PRPF3: variants seen among roughly 807,000 people sequenced by gnomAD.
The protein encoded by PRPF3 is pre-mRNA processing factor 3.
PRPF3 carries 3 observed loss-of-function variants against 89.2 expected under a neutral mutation model. The ratio of observed to expected loss-of-function variants is 0.03; its 90% confidence interval spans 0.02 to 0.09. The LOEUF is 0.09. Among genes scored for constraint, PRPF3 ranks in the 10% least tolerant of loss-of-function variants. The pLI is 1.00. For missense variants in PRPF3, 463 were observed against 828.8 expected, an observed-to-expected ratio of 0.56 and a Z score of 5.42; for synonymous variants, 270 against 289.1, an observed-to-expected ratio of 0.93 and a Z score of 0.67.
rs1656584131 is a variant in PRPF3, at chr1:150,332,968, C to T, written c.508-11C>T. ...CTTAATTCCTCTGATTTCTTTTTCT[C>T]TATCTCACAGCCAAAGACTCCTTCT... On this transcript the variant is annotated splice_polypyrimidine_tract_variant and intron_variant, in intron 5 of 15. Coordinates refer to ENST00000324862, the MANE Select transcript of PRPF3 (RefSeq NM_004698.4). 1 of 1,607,708 alleles carries T rather than the reference C, an allele frequency of 6.2e-7. No homozygotes were observed. Among genetic ancestry groups the T allele is most frequent in the Non-Finnish European group, 8.5e-7 (1 of 1,174,550 alleles).
chr1:150,338,446 A>G (rs1657285201), intron 8 of PRPF3, 120 bp downstream of exon 8: 3 of 1,029,580 alleles, frequency 2.9e-6, no homozygotes, highest in Non-Finnish European at 4.4e-6. Flanking sequence ...TCATTCATTA[A>G]TTAAAATTTT....
At chr1:150,348,984 C>T (rs1658613945) in intron 14 of PRPF3, 173 bp from the exon 15 acceptor site, 1 of 659,086 alleles carries the variant, frequency 1.5e-6, no homozygotes, top group Admixed American at 2.4e-5. Context: ...ATATTACTGC[C>T]TACTTGGAGC....
chr1:150,331,993 G>A (rs1656455969), intron 4 of PRPF3, among the ~76,000 whole-genome samples: 2 of 152,070 alleles, frequency 1.3e-5, no homozygotes, highest in Admixed American at 1.3e-4. Context: ...GAGAGGCCGA[G>A]GTGGGCGGAT....
chr1:150,332,605 C>T (rs782067852), intron 4 of PRPF3, 79 bp from the exon 5 acceptor site: 6 of 1,347,168 alleles, frequency 4.5e-6, no homozygotes, highest in Admixed American at 3.4e-5. Flanking sequence ...GACCTGAGAG[C>T]CTTGTGGGTT....
chr1:150,340,360 C>T, intron 8 of PRPF3, 38 bp from the exon 9 acceptor site: 1 of 1,399,626 alleles, frequency 7.1e-7, no homozygotes, highest in Non-Finnish European at 1.0e-6. Flanking sequence ...ATCATCTCTA[C>T]CCGCATATCG....
rs587601390 is a variant in PRPF3, at chr1:150,336,636, A to G, written c.1035+1395A>G. Among the ~76,000 whole-genome samples, 5 of 152,084 alleles carry G rather than the reference A, an allele frequency of 3.3e-5. No individual in the cohort carries two copies. The East Asian group carries it at 5.8e-4, about 18-fold the overall frequency. ...CCGAGCGTGGTGGTGGGTGCCTGTAATCCTAGCTACTTGGGAGGCTGAGTC... is the reference window on the plus strand; with the variant it reads ...CCGAGCGTGGTGGTGGGTGCCTGTAGTCCTAGCTACTTGGGAGGCTGAGTC... On this transcript the variant is annotated intron_variant, in intron 7 of 15. Coordinates refer to ENST00000324862, the MANE Select transcript of PRPF3 (RefSeq NM_004698.4).
chr1:150,324,177 A>G (rs1655436867), intron 1 of PRPF3, among the ~76,000 whole-genome samples: 1 of 152,148 alleles, frequency 6.6e-6, no homozygotes, highest in Admixed American at 6.6e-5. Flanking sequence ...AGGGAATCCT[A>G]CATAAGTCAG....
intron 7 of PRPF3, among the ~76,000 whole-genome samples, chr1:150,337,020 G>C (rs1215307033): frequency 1.3e-5 from 2 of 148,404 alleles, no homozygotes; most frequent in African/African-American, 4.9e-5. Flanking sequence ...TCCTCTCAAA[G>C]TGAGGTTTTC....
At chr1:150,321,647 CG>C (rs1223166677) in intron 1 of PRPF3, 55 bp downstream of exon 1, 1 of 151,984 alleles carries the variant, frequency 6.6e-6, no homozygotes, top group Non-Finnish European at 1.5e-5. Flanking sequence ...CCACTGTGGC[CG>C]GGGACTCAGT....
Position 150,334,954 on chromosome 1 carries a change from C to G in PRPF3, c.748C>G (p.Gln250Glu). ...IAPPKVELKD[Q>E]TKPTPLILDE... is the part of the protein sequence containing the mutation. The stretch of plus-strand genomic sequence containing the variant: ...TTTCAGGAAGGTGGAGTTAAAAGAC[C>G]AAACGAAACCTACACCACTGATCCT... Residue 250 changes from glutamine (Q) to glutamate (E), a missense_variant, in exon 7 of 16, where the codon CAA (glutamine) becomes GAA (glutamate). Physicochemically the swap from Gln to Glu is conservative, Grantham distance 29 (BLOSUM62 2). Coordinates refer to ENST00000324862, the MANE Select transcript of PRPF3 (RefSeq NM_004698.4). 1 of 1,613,926 alleles carries G rather than the reference C, an allele frequency of 6.2e-7. No individual in the cohort carries two copies. The highest frequency in any genetic ancestry group is 8.5e-7 in the Non-Finnish European group (1 of 1,179,976).
chr1:150,344,311 ACT>A (rs781983724), intron 11 of PRPF3, 50 bp downstream of exon 11: 20 of 1,613,552 alleles, frequency 1.2e-5, no homozygotes, highest in Non-Finnish European at 1.6e-5. Flanking sequence ...CCTTTCCCAA[ACT>A]CTTCTGGGGG....
intron 4 of PRPF3, among the ~76,000 whole-genome samples, chr1:150,328,891 C>A (rs1656016949): frequency 6.6e-6 from 1 of 151,984 alleles, no homozygotes; most frequent in African/African-American, 2.4e-5. Context: ...AGGGTTTCAC[C>A]ATGTTGGGCA....
Position 150,325,121 on chromosome 1 carries a change from A to G in PRPF3, c.145+34A>G, listed in dbSNP as rs781805559. The stretch of plus-strand genomic sequence containing the variant: ...CTTTCTGCATCTTTTATCTTAACAT[A>G]TAGGGTGACCCCAAACACTGCTTTG... On this transcript the variant is annotated intron_variant, in intron 2 of 15. Transcript: ENST00000324862. The G allele has an allele frequency of 7.5e-6, 12 of 1,608,930 alleles. No homozygotes were observed. Among genetic ancestry groups the G allele is most frequent in the Admixed American group, 1.7e-5 (1 of 59,848 alleles).
intron 12 of PRPF3, among the ~76,000 whole-genome samples, chr1:150,344,937 A>T (rs587662975): frequency 1.5e-4 from 23 of 150,490 alleles, no homozygotes; most frequent in Non-Finnish European, 2.8e-4. Context: ...CCATGGAAGC[A>T]TTACAAATTT....
intron 9 of PRPF3, among the ~76,000 whole-genome samples, chr1:150,342,241 G>A (rs1330294694): frequency 2.0e-5 from 3 of 151,552 alleles, no homozygotes; most frequent in Non-Finnish European, 4.4e-5. Context: ...TTAGCCAGAC[G>A]TGGTGGCGGG....
At chr1:150,325,166 C>A in intron 2 of PRPF3, 79 bp downstream of exon 2, 1 of 1,521,566 alleles carries the variant, frequency 6.6e-7, no homozygotes, top group Non-Finnish European at 9.0e-7. Flanking sequence ...AAAATTCTCT[C>A]TGTTGGGAAC....
intron 14 of PRPF3, among the ~76,000 whole-genome samples, chr1:150,348,460 A>ATCTTTTTTTTTTTTTTTTTTTTT (rs1658530111): frequency 2.1e-5 from 1 of 48,464 alleles, no homozygotes; most frequent in African/African-American, 8.9e-5. Context: ...CTACACGTGC[A>ATCTTTTTTTTTTTTTTTTTTTTT]TTTTTTTTTT....
chr1:150,339,737 GT>G (rs71578484), intron 8 of PRPF3, among the ~76,000 whole-genome samples: 50,879 of 110,776 alleles, frequency 0.46, 10,054 homozygotes, highest in Middle Eastern at 0.52. Flanking sequence ...CACGCCTGGC[GT>G]TTTTTTTTTT....
chr1:150,325,710 T>C (rs371289841), intron 2 of PRPF3, 41 bp from the exon 3 acceptor site: 197 of 1,603,890 alleles, frequency 1.2e-4, no homozygotes, highest in Non-Finnish European at 1.6e-4. Flanking sequence ...GACTGTGTAC[T>C]CTTACCTTTC....
Sources: allele counts gnomAD v4.1 joint callset (sites outside exome capture counted in the v4.1 genomes callset), GRCh38; gene constraint gnomAD v4.1.1; transcripts MANE v1.5; gene names NCBI Gene and HGNC (gene_info 2026-07-23, HGNC 2026-07-21).